GRIA4: variants seen among roughly 807,000 people sequenced by gnomAD.
GRIA4 encodes the protein glutamate receptor 4.
In GRIA4, 34 loss-of-function variants were observed where a neutral mutation model predicts 104.0. The observed-to-expected ratio is 0.33, with a 90% CI of 0.25 to 0.44. The LOEUF is 0.44. GRIA4 is among the 20% of genes least tolerant of loss of function. The probability of loss-of-function intolerance (pLI) is 1.00; values close to 1 mark genes in which losing one functional copy is unlikely to be tolerated. For missense variants in GRIA4, 750 were observed against 1,096.5 expected (o/e 0.68, Z 4.46); for synonymous variants, 386 against 381.9 (o/e 1.01, Z -0.13).
chr11:105,738,299 T>C (rs1939081991), intron 3 of GRIA4, among the ~76,000 whole-genome samples: 1 of 152,206 alleles, frequency 6.6e-6, no homozygotes, highest in African/African-American at 2.4e-5. Context: ...CTTTCACATA[T>C]GACCTCTTGT....
chr11:105,877,655 A>G (rs967442947), intron 5 of GRIA4, among the ~76,000 whole-genome samples: 2 of 152,096 alleles, frequency 1.3e-5, no homozygotes, highest in African/African-American at 2.4e-5. Context: ...ATTTCATTAA[A>G]TTGATCTTTA....
intron 3 of GRIA4, among the ~76,000 whole-genome samples, chr11:105,651,392 T>C (rs2135383117): frequency 6.6e-6 from 1 of 152,224 alleles, no homozygotes; most frequent in East Asian, 1.9e-4. Flanking sequence ...TTTATGAAAA[T>C]ACTCAGATAT....
rs1240365700 is a variant in GRIA4 at position 105,612,652 on chromosome 11, C to A, written c.247+218C>A. On this transcript the variant is annotated intron_variant, in intron 3 of 16. Coordinates refer to ENST00000282499, the MANE Select transcript of GRIA4 (RefSeq NM_000829.4). ...AATTTATTTTTCTTTTCTTTCTTCTCCTCCCTCTCTTTGCTTCTTCCTGAC... is the reference window on the plus strand; with the variant it reads ...AATTTATTTTTCTTTTCTTTCTTCTACTCCCTCTCTTTGCTTCTTCCTGAC... The A allele has an allele frequency of 8.1e-6, 4 of 493,314 alleles. No homozygotes were observed. In the Admixed American group the frequency reaches 1.1e-4, roughly 14 times the overall value. 30.6% of individuals were successfully genotyped at this position (493,314 alleles called of 1,614,324 possible).
intron 4 of GRIA4, among the ~76,000 whole-genome samples, chr11:105,795,036 G>T (rs1300642271): frequency 6.6e-6 from 1 of 152,018 alleles, no homozygotes; most frequent in Non-Finnish European, 1.5e-5. Context: ...AAAGAATCAG[G>T]TATCTTATCA....
intron 5 of GRIA4, among the ~76,000 whole-genome samples, chr11:105,863,996 G>A (rs985031342): frequency 1.3e-5 from 2 of 152,142 alleles, no homozygotes; most frequent in African/African-American, 4.8e-5. Flanking sequence ...AAACTTGAGT[G>A]TCTACCTTTT....
chr11:105,618,733 A>G (rs903049303), intron 3 of GRIA4, among the ~76,000 whole-genome samples: 2 of 151,962 alleles, frequency 1.3e-5, no homozygotes, highest in African/African-American at 4.8e-5. Context: ...AAGACAGATG[A>G]TCAGTGAGCC....
intron 4 of GRIA4, among the ~76,000 whole-genome samples, chr11:105,855,482 G>A (rs1303301068): frequency 6.6e-6 from 1 of 151,882 alleles, no homozygotes; most frequent in Admixed American, 6.6e-5. Flanking sequence ...TTTATATAGT[G>A]TGATATATAA....
intron 3 of GRIA4, among the ~76,000 whole-genome samples, chr11:105,635,080 G>GT (rs1422396736): frequency 6.6e-6 from 1 of 152,142 alleles, no homozygotes; most frequent in East Asian, 1.9e-4. Context: ...TCTGGTAAGT[G>GT]TATTGACAGT....
intron 10 of GRIA4, among the ~76,000 whole-genome samples, chr11:105,915,091 G>T (rs659654): frequency 6.6e-6 from 1 of 152,158 alleles, no homozygotes; most frequent in Admixed American, 6.6e-5. Context: ...GGAAAGCAAA[G>T]CAAAATGAAA....
intron 3 of GRIA4, among the ~76,000 whole-genome samples, chr11:105,639,429 T>A (rs113672804): frequency 6.6e-6 from 1 of 152,024 alleles, no homozygotes; most frequent in Non-Finnish European, 1.5e-5. Context: ...AGCATCGCAG[T>A]CATATTTCCT....
intron 5 of GRIA4, among the ~76,000 whole-genome samples, chr11:105,875,177 GGTTTTT>G (rs1396492718): frequency 1.3e-5 from 2 of 152,086 alleles, no homozygotes; most frequent in Non-Finnish European, 2.9e-5. Context: ...ATAATCATGT[GGTTTTT>G]GTTATTGGTT....
At chr11:105,654,421 T>A (rs1321766793) in intron 3 of GRIA4, among the ~76,000 whole-genome samples, 1 of 152,076 alleles carries the variant, frequency 6.6e-6, no homozygotes, top group Non-Finnish European at 1.5e-5. Context: ...CCACAATTTA[T>A]AATTTAAAAA....
chr11:105,727,423 G>T (rs562379204), intron 3 of GRIA4, among the ~76,000 whole-genome samples: 2 of 152,060 alleles, frequency 1.3e-5, no homozygotes, highest in Admixed American at 1.3e-4. Flanking sequence ...TGAAAGTGAC[G>T]GGAGAATGGA....
intron 2 of GRIA4, among the ~76,000 whole-genome samples, chr11:105,611,686 A>T (rs920147248): frequency 6.6e-6 from 1 of 151,966 alleles, no homozygotes; most frequent in African/African-American, 2.4e-5. Flanking sequence ...TTCCAGGGAC[A>T]CCCTCCATCC....
chr11:105,689,350 C>T (rs1192866546), intron 3 of GRIA4, among the ~76,000 whole-genome samples: 1 of 152,086 alleles, frequency 6.6e-6, no homozygotes, highest in Non-Finnish European at 1.5e-5. Context: ...TCTCCGATGA[C>T]AAAATTTAAG....
intron 13 of GRIA4, among the ~76,000 whole-genome samples, chr11:105,931,924 G>A (rs1947888041): frequency 6.6e-6 from 1 of 152,042 alleles, no homozygotes; most frequent in African/African-American, 2.4e-5. Flanking sequence ...ATGTTGATTA[G>A]TAAAGAACTG....
intron 14 of GRIA4, among the ~76,000 whole-genome samples, chr11:105,966,229 A>G (rs1858362329): frequency 1.3e-5 from 2 of 152,222 alleles, no homozygotes; most frequent in Non-Finnish European, 2.9e-5. Context: ...TGCAACCATT[A>G]TCAATTTAGT....
intron 3 of GRIA4, among the ~76,000 whole-genome samples, chr11:105,731,197 C>T (rs1938564904): frequency 6.6e-6 from 1 of 151,996 alleles, no homozygotes. Flanking sequence ...AACAAACAGC[C>T]CCATCAAAAA....
In GRIA4 at chr11:105,611,513, A is replaced by G. The variant is rs571920240; in HGVS notation, c.88+428A>G. On this transcript the variant is annotated intron_variant, in intron 2 of 16. Transcript: ENST00000282499. ...CGCCGCAGCTTTCTTGCTATTACAGAAAGACACTGTTTGAGGAAAAAGACA... is the reference window on the plus strand; with the variant it reads ...CGCCGCAGCTTTCTTGCTATTACAGGAAGACACTGTTTGAGGAAAAAGACA... 2.6e-5 allele frequency among the ~76,000 whole-genome samples: 4 copies of G among 152,254 alleles called. No individual in the cohort carries two copies. The East Asian group carries it at 5.8e-4, about 22-fold the overall frequency.
Sources: allele counts gnomAD v4.1 joint callset (sites outside exome capture counted in the v4.1 genomes callset), GRCh38; gene constraint gnomAD v4.1.1; transcripts MANE v1.5; gene names NCBI Gene and HGNC (gene_info 2026-07-23, HGNC 2026-07-21).